CSMD1: variants seen among roughly 807,000 people sequenced by gnomAD.
The protein encoded by CSMD1 is CUB and Sushi multiple domains 1, also known as CUB and sushi domain-containing protein 1.
In CSMD1, 213 loss-of-function variants were observed where a neutral mutation model predicts 417.5. That is an observed-to-expected ratio of 0.51 (90% CI 0.46 to 0.57). CSMD1 has a LOEUF of 0.57. Ranked by LOEUF, CSMD1 falls within the 20% of genes least tolerant of loss-of-function variation. CSMD1 has a pLI of 0.00. For missense variants in CSMD1, 6,923 were observed against 4,529.7 expected (o/e 1.53, Z -15.17); for synonymous variants, 2,862 against 1,736.8 (o/e 1.65, Z -16.11).
At chr8:4,682,232 G>A (rs1351056923) in intron 1 of CSMD1, among the ~76,000 whole-genome samples, 1 of 152,066 alleles carries the variant, frequency 6.6e-6, no homozygotes, top group Admixed American at 6.5e-5. Context: ...ATTTCACTAT[G>A]TTGCCCAGGC....
chr8:4,063,620 G>A (rs1799094272), intron 3 of CSMD1, among the ~76,000 whole-genome samples: 2 of 152,176 alleles, frequency 1.3e-5, no homozygotes, highest in South Asian at 4.1e-4. Flanking sequence ...CCAGTTCAGC[G>A]GCTTCCAGCA....
At chr8:4,451,335 G>T (rs538885630) in intron 2 of CSMD1, among the ~76,000 whole-genome samples, 1 of 152,224 alleles carries the variant, frequency 6.6e-6, no homozygotes, top group African/African-American at 2.4e-5. Flanking sequence ...GGGCAACAAA[G>T]CAAGACCCTG....
At chr8:4,257,554 T>G (rs1262823907) in intron 3 of CSMD1, among the ~76,000 whole-genome samples, 2 of 152,186 alleles carry the variant, frequency 1.3e-5, no homozygotes, top group Non-Finnish European at 2.9e-5. Flanking sequence ...ATTACATTTT[T>G]AAAATAAGAA....
chr8:3,529,451 G>A (rs1207966976), intron 10 of CSMD1, among the ~76,000 whole-genome samples: 1 of 152,154 alleles, frequency 6.6e-6, no homozygotes. Flanking sequence ...TTGTAAGACA[G>A]AATCATAAAT....
At chr8:4,656,761 G>T (rs548289112) in intron 1 of CSMD1, among the ~76,000 whole-genome samples, 1 of 152,124 alleles carries the variant, frequency 6.6e-6, no homozygotes, top group South Asian at 2.1e-4. Flanking sequence ...GCAGGAGGCA[G>T]TGGCAGACGT....
chr8:3,215,080 A>G (rs781300593), intron 29 of CSMD1, among the ~76,000 whole-genome samples: 1 of 152,206 alleles, frequency 6.6e-6, no homozygotes, highest in Non-Finnish European at 1.5e-5. Context: ...ACTTTTGTAC[A>G]TCAAACATAT....
At chr8:4,140,439 C>T (rs34944976) in intron 3 of CSMD1, among the ~76,000 whole-genome samples, 4 of 150,432 alleles carry the variant, frequency 2.7e-5, no homozygotes, top group Non-Finnish European at 2.9e-5. Flanking sequence ...TGGAGGTTGC[C>T]GTGAGCCAAG....
chr8:2,973,109 C>G lies in CSMD1; in HGVS notation c.8923+8G>C. 6.2e-7 allele frequency: 1 copy of G among 1,612,262 alleles called. No individual in the cohort carries two copies. Among genetic ancestry groups the G allele is most frequent in the Non-Finnish European group, 8.5e-7 (1 of 1,178,976 alleles). On this transcript the variant is annotated splice_region_variant and intron_variant, in intron 57 of 69. Coordinates refer to ENST00000635120, the MANE Select transcript of CSMD1 (RefSeq NM_033225.6). ...TCAAGGTGGACCTTAAGGCTTCTGG[C>G]TACTCACCCTCACACACCGGCTGCA...
At chr8:4,458,802 T>A (rs899504045) in intron 2 of CSMD1, among the ~76,000 whole-genome samples, 3 of 152,154 alleles carry the variant, frequency 2.0e-5, no homozygotes, top group East Asian at 1.9e-4. Flanking sequence ...TAATTTTTTT[T>A]AACAACTTTT....
At chr8:4,516,807 T>G (rs1376585631) in intron 2 of CSMD1, among the ~76,000 whole-genome samples, 1 of 152,176 alleles carries the variant, frequency 6.6e-6, no homozygotes, top group Non-Finnish European at 1.5e-5. Flanking sequence ...CAGGAGGTAT[T>G]TATTAAATAT....
rs577140178 is a variant in CSMD1, at chr8:3,913,903, T to G, written c.818+84000A>C. The stretch of plus-strand genomic sequence containing the variant: ...TTACCTCGACTGTTTTTTGTCCAGC[T>G]GTATAAAGTCCAGTTTTGGACTCAA... On this transcript the variant is annotated intron_variant, in intron 5 of 69. Transcript: ENST00000635120. 8.5e-5 allele frequency among the ~76,000 whole-genome samples: 13 copies of G among 152,314 alleles called. No homozygotes were observed. The East Asian group carries it at 1.3e-3, about 16-fold the overall frequency.
At chr8:4,233,110 A>G (rs1029459394) in intron 3 of CSMD1, among the ~76,000 whole-genome samples, 3 of 152,230 alleles carry the variant, frequency 2.0e-5, no homozygotes, top group Admixed American at 2.0e-4. Context: ...CAGTTGGAAA[A>G]TGCTATCACT....
At chr8:3,489,191 A>G (rs1165303992) in intron 11 of CSMD1, among the ~76,000 whole-genome samples, 1 of 152,184 alleles carries the variant, frequency 6.6e-6, no homozygotes, top group Non-Finnish European at 1.5e-5. Context: ...CGTCTCAGCC[A>G]TGCCAGGCAG....
At chr8:4,278,292 G>C (rs550465642) in intron 3 of CSMD1, among the ~76,000 whole-genome samples, 5 of 152,176 alleles carry the variant, frequency 3.3e-5, no homozygotes, top group African/African-American at 1.2e-4. Context: ...AGTTCAAGGA[G>C]GTTAAAAACA....
At chr8:4,045,400 G>A (rs1015826425) in intron 3 of CSMD1, among the ~76,000 whole-genome samples, 21 of 152,268 alleles carry the variant, frequency 1.4e-4, no homozygotes, top group Middle Eastern at 3.4e-3. Flanking sequence ...CTACATTACC[G>A]ATCATCAATG....
chr8:4,012,915 C>A (rs890737984), intron 4 of CSMD1, among the ~76,000 whole-genome samples: 1 of 151,972 alleles, frequency 6.6e-6, no homozygotes, highest in Non-Finnish European at 1.5e-5. Context: ...TCCATCAGCA[C>A]CTTCTTTAAA....
intron 3 of CSMD1, among the ~76,000 whole-genome samples, chr8:4,281,423 C>G (rs982897513): frequency 6.6e-6 from 1 of 152,102 alleles, no homozygotes; most frequent in Non-Finnish European, 1.5e-5. Context: ...ATGTCTAAAG[C>G]TATGAAATTA....
chr8:3,401,854 T>C (rs898097119), intron 15 of CSMD1, among the ~76,000 whole-genome samples: 3 of 152,110 alleles, frequency 2.0e-5, no homozygotes, highest in Non-Finnish European at 2.9e-5. Context: ...CCAAAAATAT[T>C]TGATGAACAT....
At chr8:2,962,406 T>A in intron 61 of CSMD1, 60 bp downstream of exon 61, 1 of 1,453,206 alleles carries the variant, frequency 6.9e-7, no homozygotes, top group Non-Finnish European at 9.4e-7. Context: ...AATTTCGGAA[T>A]GAAGCGTCCT....
Sources: allele counts gnomAD v4.1 joint callset (sites outside exome capture counted in the v4.1 genomes callset), GRCh38; gene constraint gnomAD v4.1.1; transcripts MANE v1.5; gene names NCBI Gene and HGNC (gene_info 2026-07-23, HGNC 2026-07-21).